CSF1R: variants seen among roughly 807,000 people sequenced by gnomAD.
CSF1R encodes colony stimulating factor 1 receptor.
CSF1R carries 40 observed loss-of-function variants against 110.0 expected under a neutral mutation model. That is an observed-to-expected ratio of 0.36 (90% CI 0.28 to 0.47). CSF1R has a LOEUF of 0.47. Ranked by LOEUF, CSF1R falls within the 20% of genes least tolerant of loss-of-function variation. CSF1R has a pLI of 0.99. For synonymous variants in CSF1R, 523 were observed against 503.4 expected (o/e 1.04, Z -0.52); for missense variants, 1,052 against 1,253.0 (o/e 0.84, Z 2.42).
rs1757420046 is a variant in CSF1R at position 150,059,778 on chromosome 5, G to A, written c.2054C>T (p.Pro685Leu). ...LRRKAEAMLG[P>L]SLSPGQDPEG... ...GGGGTCCTGGCCGGGGCTCAGGCTG[G>A]GTCCCAGCATGGCCTCAGCCTTCCT... is the stretch of plus-strand genomic sequence containing the variant. Residue 685 changes from proline to leucine, a missense_variant, in exon 14 of 21, where the codon CCC (proline) becomes CTC (leucine). By Grantham distance (98) the Pro-to-Leu change is moderately conservative. Transcript: ENST00000675795. The A allele has an allele frequency of 5.0e-6, 8 of 1,614,194 alleles. No homozygotes were observed. The highest frequency in any genetic ancestry group is 1.1e-5 in the South Asian group (1 of 91,088).
intron 6 of CSF1R, among the ~76,000 whole-genome samples, chr5:150,071,309 A>T (rs1186433008): frequency 3.9e-5 from 6 of 152,194 alleles, no homozygotes; most frequent in African/African-American, 1.4e-4. Context: ...TCTCTATTTT[A>T]CAATTTGTCC....
intron 5 of CSF1R, 105 bp downstream of exon 5, chr5:150,077,171 T>A (rs1758301009): frequency 7.0e-7 from 1 of 1,437,150 alleles, no homozygotes; most frequent in Admixed American, 1.7e-5. Context: ...AGCAGAGATA[T>A]CCTCAGCAGG....
In CSF1R at chr5:150,085,280, A is replaced by AAAAAAAAAAAAAAAAAAC. The variant is rs1338314256; in HGVS notation, c.49+1098_49+1099insGTTTTTTTTTTTTTTTTT. 4.7e-5 allele frequency among the ~76,000 whole-genome samples: 7 copies of AAAAAAAAAAAAAAAAAAC among 148,060 alleles called. 1 individual carries two copies. The highest frequency in any genetic ancestry group is 1.3e-4 in the Admixed American group (2 of 14,952). On this transcript the variant is annotated intron_variant, in intron 1 of 20. Coordinates refer to ENST00000675795, the MANE Select transcript of CSF1R (RefSeq NM_001288705.3). ...ACAGAGAGAGACTCTGTCTCAGGAA[A>AAAAAAAAAAAAAAAAAAC]AAAAAAAAAAAAACCCAAATACTCA...
chr5:150,098,795 A>C (rs1759303045), intron 1 of CSF1R, among the ~76,000 whole-genome samples: 1 of 152,128 alleles, frequency 6.6e-6, no homozygotes, highest in South Asian at 2.1e-4. Context: ...CTAAAACCAC[A>C]ATGAAATACC....
At chr5:150,056,005 G>A (rs375826527) in intron 18 of CSF1R, 21 bp downstream of exon 18, 2 of 1,608,166 alleles carry the variant, frequency 1.2e-6, no homozygotes, top group East Asian at 2.2e-5. Flanking sequence ...GGCTCTGCCT[G>A]GAGTGGGCCC....
chr5:150,059,522 G>A (rs1426429404), intron 14 of CSF1R, among the ~76,000 whole-genome samples, 178 bp downstream of exon 14: 3 of 152,248 alleles, frequency 2.0e-5, no homozygotes, highest in Non-Finnish European at 4.4e-5. Flanking sequence ...GGGAAAAGGA[G>A]TAGAGAAACA....
intron 6 of CSF1R, 100 bp downstream of exon 6, chr5:150,073,201 C>A (rs1026584918): frequency 9.0e-6 from 11 of 1,220,938 alleles, no homozygotes; most frequent in Non-Finnish European, 1.3e-5. Flanking sequence ...TGCTCAAGGT[C>A]ATACACCAAG....
chr5:150,083,757 G>A (rs565475616), intron 1 of CSF1R, among the ~76,000 whole-genome samples: 17 of 152,294 alleles, frequency 1.1e-4, no homozygotes, highest in Admixed American at 1.1e-3. Context: ...TAAGCAGATA[G>A]CGACAGATAA....
intron 6 of CSF1R, among the ~76,000 whole-genome samples, chr5:150,070,979 G>T (rs1047159661): frequency 6.6e-6 from 1 of 152,196 alleles, no homozygotes; most frequent in Non-Finnish European, 1.5e-5. Context: ...TAGGGCCCTG[G>T]GTTCTGAGCC....
intron 1 of CSF1R, 48 bp from the exon 2 acceptor site, chr5:150,081,072 C>T: frequency 1.2e-6 from 2 of 1,601,350 alleles, no homozygotes; most frequent in Non-Finnish European, 1.7e-6. Flanking sequence ...TAGGATGCGC[C>T]CCTTGGGCCG....
intron 1 of CSF1R, among the ~76,000 whole-genome samples, chr5:150,100,645 C>T (rs1306603042): frequency 6.6e-6 from 1 of 152,008 alleles, no homozygotes; most frequent in Non-Finnish European, 1.5e-5. Flanking sequence ...ATTGATACAA[C>T]CACTTGGGAA....
At chr5:150,108,850 T>C (rs577074375) in intron 1 of CSF1R, among the ~76,000 whole-genome samples, 1 of 152,196 alleles carries the variant, frequency 6.6e-6, no homozygotes, top group East Asian at 1.9e-4. Flanking sequence ...GGCAGACCTG[T>C]ATGCCAAGAA....
chr5:150,088,573 A>T (rs2113849168), upstream of CSF1R, among the ~76,000 whole-genome samples: 3 of 150,852 alleles, frequency 2.0e-5, no homozygotes, highest in East Asian at 5.8e-4. Flanking sequence ...TCACTCTGTC[A>T]CTCAGGCTGG....
At chr5:150,097,018 T>C (rs1405784338) in intron 1 of CSF1R, among the ~76,000 whole-genome samples, 3 of 152,172 alleles carry the variant, frequency 2.0e-5, no homozygotes, top group Non-Finnish European at 2.9e-5. Context: ...GCTCAGCACT[T>C]TGGGGGGCCA....
At chr5:150,064,510 A>G (rs1757674611) in intron 10 of CSF1R, among the ~76,000 whole-genome samples, 1 of 152,170 alleles carries the variant, frequency 6.6e-6, no homozygotes, top group African/African-American at 2.4e-5. Context: ...CCCAGGGAGA[A>G]GAACTTCCCA....
In CSF1R at chr5:150,080,202, G is replaced by C; in HGVS notation, c.442C>G (p.Leu148Val). 1 of 1,613,700 alleles carries C rather than the reference G, an allele frequency of 6.2e-7. No individual in the cohort carries two copies. Among genetic ancestry groups the C allele is most frequent in the Non-Finnish European group, 8.5e-7 (1 of 1,180,048 alleles). The change falls in exon 3 of 21, where the codon CTC becomes GTC. Residue 148 changes from leucine (L) to valine (V), a missense_variant. Physicochemically the swap from Leu to Val is conservative, Grantham distance 32. Around this residue, in one of 5 missense-constraint regions of CSF1R, gnomAD observed 693 missense variants for 735.4 expected, o/e 0.94. Coordinates refer to ENST00000675795, the MANE Select transcript of CSF1R (RefSeq NM_001288705.3). ...VSLVRVRGRP[L>V]MRHTNYSFSP... is the part of the protein sequence containing the mutation. ...AAGGAGTAGTTGGTGTGGCGCATGA[G>C]GGGCCGGCCACGCACACGCACCAGC...
Position 150,086,432 on chromosome 5 carries a change from T to C in CSF1R, c.-5A>G. On this transcript the variant is annotated 5_prime_UTR_variant, in exon 1 of 21. Coordinates refer to ENST00000675795, the MANE Select transcript of CSF1R (RefSeq NM_001288705.3). ...CAGCAGAACTCCTGGGCCCATGGCC[T>C]CGGTGGGGAAGTGGCAGGCAGGTGC... is the stretch of plus-strand genomic sequence containing the variant. 6.2e-7 allele frequency: 1 copy of C among 1,609,380 alleles called. No homozygotes were observed. Among genetic ancestry groups the C allele is most frequent in the East Asian group, 2.2e-5 (1 of 44,786 alleles).
At chr5:150,106,719 T>C (rs1224771598) in intron 1 of CSF1R, among the ~76,000 whole-genome samples, 1 of 152,120 alleles carries the variant, frequency 6.6e-6, no homozygotes, top group Non-Finnish European at 1.5e-5. Flanking sequence ...CAATCTGATC[T>C]CTGCCTCTTC....
At chr5:150,089,268 A>T (rs1180425054), upstream of CSF1R, among the ~76,000 whole-genome samples, 1 of 152,226 alleles carries the variant, frequency 6.6e-6, no homozygotes, top group Admixed American at 6.5e-5. Flanking sequence ...AAAAAAGAAG[A>T]AGTAAAACTA....
Sources: allele counts gnomAD v4.1 joint callset (sites outside exome capture counted in the v4.1 genomes callset), GRCh38; gene constraint gnomAD v4.1.1; regional missense constraint gnomAD v4.1.1; transcripts MANE v1.5; gene names NCBI Gene and HGNC (gene_info 2026-07-23, HGNC 2026-07-21).